The following COL25A1 variants were observed in gnomAD, a reference collection of about 807,000 sequenced individuals.
The protein encoded by COL25A1 is collagen type XXV alpha 1 chain, also known as collagen alpha-1(XXV) chain.
A neutral mutation model predicts 128.4 loss-of-function variants in COL25A1; 103 were observed. The ratio of observed to expected loss-of-function variants is 0.80; its 90% CI spans 0.68 to 0.94. The LOEUF (loss-of-function observed/expected upper bound fraction) is 0.94. COL25A1 is among the 40% of genes least tolerant of loss of function. COL25A1 has a pLI of 0.00. For synonymous variants in COL25A1, 279 were observed against 277.2 expected, an observed-to-expected ratio of 1.01 and a Z score of -0.06; for missense variants, 745 against 840.0, an observed-to-expected ratio of 0.89 and a Z score of 1.40.
chr4:108,940,787 T>C (rs1747998888), intron 9 of COL25A1, 141 bp from the exon 10 acceptor site: 2 of 588,590 alleles, frequency 3.4e-6, no homozygotes, highest in South Asian at 4.8e-5. Context: ...ATAAAGCCTG[T>C]AGGCAATTTG....
At chr4:109,180,364 A>G (rs1453139631) in intron 3 of COL25A1, among the ~76,000 whole-genome samples, 1 of 152,176 alleles carries the variant, frequency 6.6e-6, no homozygotes, top group Non-Finnish European at 1.5e-5. Flanking sequence ...ACAACTAGTT[A>G]TTTTAAAACT....
In COL25A1 at chr4:109,194,591, C is replaced by T. The variant is rs115252734; in HGVS notation, c.367+105992G>A. On this transcript the variant is annotated intron_variant, in intron 3 of 37. Coordinates refer to ENST00000399132, the MANE Select transcript of COL25A1 (RefSeq NM_198721.4). ...ATAATTAGGAAATTATATACCAAAT[C>T]GGGCAATAGGTTAGGATAGGTAACT... Among the ~76,000 whole-genome samples the T allele has an allele frequency of 3.8e-3, 574 of 152,122 alleles. 1 individual carries two copies. Among genetic ancestry groups the T allele is most frequent in the African/African-American group, 0.012 (508 of 41,488 alleles).
chr4:109,264,371 G>A (rs1284414161), intron 3 of COL25A1, among the ~76,000 whole-genome samples: 4 of 152,210 alleles, frequency 2.6e-5, no homozygotes, highest in East Asian at 1.9e-4. Flanking sequence ...TGGGTATGGC[G>A]TGGAGAACAT....
intron 3 of COL25A1, among the ~76,000 whole-genome samples, chr4:109,062,122 T>C (rs879814596): frequency 1.3e-5 from 2 of 152,144 alleles, no homozygotes; most frequent in Admixed American, 6.5e-5. Context: ...CTAATGAAGA[T>C]GGGAAGCTTC....
Position 108,889,349 on chromosome 4 carries a change from C to A in COL25A1, c.940-93G>T, listed in dbSNP as rs1578669356. 7.0e-6 allele frequency: 8 copies of A among 1,149,372 alleles called. No homozygotes were observed. In the East Asian group the frequency reaches 1.9e-4, roughly 27 times the overall value. The allele number at this position is 1,149,372 out of a possible 1,614,324, so 71.2% of individuals were successfully genotyped here. A position where few individuals can be genotyped will look rare whatever the true frequency, so the allele number is the denominator to read the frequency against. On this transcript the variant is annotated intron_variant, in intron 17 of 37. Transcript: ENST00000399132. ...GGGCACCATCACAGGGATGGCCTAG[C>A]CCCCTTCTTCAACCACATGTCTTTT...
chr4:109,063,172 A>G (rs1430607103), intron 3 of COL25A1, among the ~76,000 whole-genome samples: 4 of 152,204 alleles, frequency 2.6e-5, no homozygotes, highest in African/African-American at 9.6e-5. Flanking sequence ...AAAAGTGTTG[A>G]GAAAAGGTTG....
intron 3 of COL25A1, among the ~76,000 whole-genome samples, chr4:109,071,420 T>C (rs1762965120): frequency 1.3e-5 from 2 of 151,978 alleles, no homozygotes; most frequent in African/African-American, 2.4e-5. Flanking sequence ...CCAAAAGCAA[T>C]GGCAACAAAA....
intron 3 of COL25A1, among the ~76,000 whole-genome samples, chr4:109,214,615 C>A (rs1350065605): frequency 7.9e-6 from 1 of 126,762 alleles, no homozygotes; most frequent in Non-Finnish European, 1.6e-5. Flanking sequence ...AATATATATA[C>A]ATATATATAA....
intron 3 of COL25A1, among the ~76,000 whole-genome samples, chr4:109,216,026 A>G (rs1378589093): frequency 6.6e-6 from 1 of 152,116 alleles, no homozygotes; most frequent in Non-Finnish European, 1.5e-5. Flanking sequence ...TCTCACCCAC[A>G]TGCCATCCCC....
chr4:109,259,140 G>A (rs1454633583), intron 3 of COL25A1, among the ~76,000 whole-genome samples: 1 of 152,072 alleles, frequency 6.6e-6, no homozygotes, highest in African/African-American at 2.4e-5. Flanking sequence ...CTCTCCCTTA[G>A]TACTGCACCT....
intron 8 of COL25A1, among the ~76,000 whole-genome samples, chr4:108,950,613 C>A (rs1178791492): frequency 1.3e-5 from 2 of 152,160 alleles, no homozygotes; most frequent in African/African-American, 4.8e-5. Flanking sequence ...AGATTAGGTT[C>A]TATTTTAGGA....
rs1742181718 is a variant in COL25A1, at chr4:108,896,601, T to A, written c.906+66A>T. ...CACTCATCTCTCTAAAAATCCCCCATCTTCATAAACTTGAAGTATATTTCT... is the reference window on the plus strand; with the variant it reads ...CACTCATCTCTCTAAAAATCCCCCAACTTCATAAACTTGAAGTATATTTCT... On this transcript the variant is annotated intron_variant, in intron 16 of 37. Coordinates refer to ENST00000399132, the MANE Select transcript of COL25A1 (RefSeq NM_198721.4). 13 of 1,378,620 alleles carry A rather than the reference T, an allele frequency of 9.4e-6. No homozygotes were observed. The South Asian group carries it at 1.5e-4, about 16-fold the overall frequency. The allele number at this position is 1,378,620 out of a possible 1,614,324, so 85.4% of individuals were successfully genotyped here. A position where few individuals can be genotyped will look rare whatever the true frequency, so the allele number is the denominator to read the frequency against.
At chr4:108,819,897 C>G in intron 35 of COL25A1, 1 of 1,218,190 alleles carries the variant, frequency 8.2e-7, no homozygotes, top group Non-Finnish European at 1.0e-6. Flanking sequence ...TCCCTTTTCC[C>G]CCTGTGGATA....
At chr4:108,864,993 T>C (rs1737712919) in intron 20 of COL25A1, among the ~76,000 whole-genome samples, 1 of 152,210 alleles carries the variant, frequency 6.6e-6, no homozygotes, top group Non-Finnish European at 1.5e-5. Flanking sequence ...CTTTTGCACA[T>C]CGTTGATCAT....
chr4:109,067,486 A>G (rs992503556), intron 3 of COL25A1, among the ~76,000 whole-genome samples: 2 of 152,188 alleles, frequency 1.3e-5, no homozygotes, highest in Admixed American at 6.5e-5. Context: ...ACAGTCACAG[A>G]GTGTTTTTAA....
At chr4:109,103,875 T>C (rs769000347) in intron 3 of COL25A1, among the ~76,000 whole-genome samples, 1 of 152,180 alleles carries the variant, frequency 6.6e-6, no homozygotes, top group Non-Finnish European at 1.5e-5. Context: ...AATATACACA[T>C]TGGCCATTTT....
intron 3 of COL25A1, among the ~76,000 whole-genome samples, chr4:109,266,653 CAA>C (rs763813147): frequency 6.0e-5 from 8 of 134,436 alleles, no homozygotes; most frequent in African/African-American, 5.5e-5. Context: ...TTACTACGAC[CAA>C]AAAAAAAAAA....
At chr4:109,106,910 G>T (rs1291207384) in intron 3 of COL25A1, among the ~76,000 whole-genome samples, 2 of 152,098 alleles carry the variant, frequency 1.3e-5, no homozygotes, top group Non-Finnish European at 2.9e-5. Flanking sequence ...TGGGACTACA[G>T]GCGCAGGCTA....
At chr4:109,281,409 CAAAA>C (rs59962160) in intron 3 of COL25A1, among the ~76,000 whole-genome samples, 4 of 102,246 alleles carry the variant, frequency 3.9e-5, no homozygotes, top group African/African-American at 6.6e-5. Flanking sequence ...CTTAAAATGG[CAAAA>C]AAAAAAAAAA....
Sources: allele counts gnomAD v4.1 joint callset (sites outside exome capture counted in the v4.1 genomes callset), GRCh38; gene constraint gnomAD v4.1.1; transcripts MANE v1.5; gene names NCBI Gene and HGNC (gene_info 2026-07-23, HGNC 2026-07-21).